Variants in NUP210L observed in about 807,000 individuals in gnomAD.
The protein encoded by NUP210L is nucleoporin 210 like.
A neutral mutation model predicts 208.5 loss-of-function variants in NUP210L; 74 were observed. That is an observed-to-expected ratio of 0.35 (90% CI 0.29 to 0.43). The LOEUF (loss-of-function observed/expected upper bound fraction) is 0.43, where lower values mean the gene tolerates loss of function less well. NUP210L is among the 20% of genes least tolerant of loss of function. The pLI is 1.00. For synonymous variants in NUP210L, 780 were observed against 816.9 expected (o/e 0.95, Z 0.77); for missense variants, 1,843 against 2,289.4 (o/e 0.81, Z 3.98).
At position 154,107,473 on chromosome 1, in the gene NUP210L, CA is replaced by C. The variant is rs60482405; in HGVS notation, c.1621-3264del. On this transcript the variant is annotated intron_variant, in intron 12 of 39. Coordinates refer to ENST00000368559, the Ensembl canonical transcript of NUP210L. ...TGGACAACAGAGTGAGACTCCGTCT[CA>C]AAAAAAAAAAAAAAACTAAAGAATG... Among the ~76,000 whole-genome samples, 950 of 95,304 alleles carry C rather than the reference CA, an allele frequency of 1.0e-2. 3 individuals carry two copies. The highest frequency in any genetic ancestry group is 0.052 in the South Asian group (167 of 3,236). 62.5% of individuals were successfully genotyped at this position (95,304 alleles called of 152,430 possible).
chr1:154,152,882 CA>C lies in NUP210L; in HGVS notation c.204-11del. On this transcript the variant is annotated splice_polypyrimidine_tract_variant and intron_variant, in intron 1 of 39. Coordinates refer to ENST00000368559, the Ensembl canonical transcript of NUP210L. ...ATGATGGGTGGAATGCCTGCCAGAA[CA>C]AAATTCTTAAGAGTGTGAAATAGGT... The C allele has an allele frequency of 6.2e-7, 1 of 1,613,496 alleles. No individual in the cohort carries two copies. The highest frequency in any genetic ancestry group is 8.5e-7 in the Non-Finnish European group (1 of 1,179,560).
chr1:153,994,315 TGAG>T (rs542588179), intron 38 of NUP210L, among the ~76,000 whole-genome samples: 4 of 152,182 alleles, frequency 2.6e-5, no homozygotes, highest in African/African-American at 7.2e-5. Flanking sequence ...GGTAGTAAGT[TGAG>T]GACCTTTTTT....
intron 2 of NUP210L, among the ~76,000 whole-genome samples, chr1:154,147,051 C>T (rs553519808): frequency 6.6e-6 from 1 of 152,164 alleles, no homozygotes; most frequent in Admixed American, 6.5e-5. Context: ...GGCCAATTCC[C>T]CTTCCTTTAA....
At chr1:154,006,832 A>ATG (rs1474877083) in intron 35 of NUP210L, among the ~76,000 whole-genome samples, 91 of 137,362 alleles carry the variant, frequency 6.6e-4, no homozygotes, top group African/African-American at 1.8e-3. Context: ...ATATATATAT[A>ATG]TATATATATG....
At chr1:154,074,645 C>G (rs751188503) in intron 16 of NUP210L, among the ~76,000 whole-genome samples, 1 of 152,014 alleles carries the variant, frequency 6.6e-6, no homozygotes, top group Non-Finnish European at 1.5e-5. Context: ...CCCGCCACTA[C>G]GCCTGGCTAA....
chr1:154,061,560 T>G (rs545303225), intron 18 of NUP210L, 26 bp downstream of exon 18: 2 of 1,283,164 alleles, frequency 1.6e-6, no homozygotes, highest in Admixed American at 4.1e-5. Flanking sequence ...TTAATTTATA[T>G]TTCTTACATT....
At chr1:154,008,571 G>C (rs1023465972) in intron 35 of NUP210L, among the ~76,000 whole-genome samples, 1 of 152,158 alleles carries the variant, frequency 6.6e-6, no homozygotes, top group Non-Finnish European at 1.5e-5. Flanking sequence ...TCTGGGCGTG[G>C]TGACACGCGC....
chr1:154,106,815 G>A (rs6427457), intron 12 of NUP210L, among the ~76,000 whole-genome samples: 39,667 of 152,174 alleles, frequency 0.26, 5,627 homozygotes, highest in Admixed American at 0.37. Flanking sequence ...TTGGGGTGCC[G>A]CCCAACGCAG....
intron 32 of NUP210L, among the ~76,000 whole-genome samples, chr1:154,021,676 T>C (rs1455499498): frequency 1.3e-5 from 2 of 152,046 alleles, no homozygotes; most frequent in East Asian, 3.8e-4. Context: ...TCCTTCAATA[T>C]AGTAATTACC....
At chr1:154,141,942 G>A (rs1041366346) in intron 3 of NUP210L, among the ~76,000 whole-genome samples, 30 of 152,028 alleles carry the variant, frequency 2.0e-4, no homozygotes, top group African/African-American at 4.1e-4. Context: ...CAGGAGGATC[G>A]CTGGAACCCA....
chr1:154,012,907 G>A (rs1414919611), intron 33 of NUP210L, among the ~76,000 whole-genome samples: 2 of 151,144 alleles, frequency 1.3e-5, no homozygotes, highest in Non-Finnish European at 2.9e-5. Context: ...TCAGGAGGCT[G>A]ACGCAGGAGA....
At chr1:154,005,521 C>T (rs975256980) in intron 35 of NUP210L, among the ~76,000 whole-genome samples, 1 of 151,942 alleles carries the variant, frequency 6.6e-6, no homozygotes, top group Admixed American at 6.6e-5. Context: ...AGCCACCGCG[C>T]CCAGTGTTTG....
chr1:154,129,145 G>A, intron 8 of NUP210L, 132 bp downstream of exon 8: 5 of 573,930 alleles, frequency 8.7e-6, no homozygotes, highest in Non-Finnish European at 1.5e-5. Context: ...GATAAAACAT[G>A]TCAAAGTAAG....
chr1:154,123,526 T>C (rs1374378810), intron 10 of NUP210L, among the ~76,000 whole-genome samples: 2 of 152,230 alleles, frequency 1.3e-5, no homozygotes, highest in African/African-American at 4.8e-5. Context: ...CTTTGTCCTA[T>C]ATACTATTTT....
At chr1:154,099,916 C>T (rs914319834) in intron 14 of NUP210L, 82 bp downstream of exon 14, 2 of 1,379,388 alleles carry the variant, frequency 1.4e-6, no homozygotes, top group African/African-American at 1.4e-5. Flanking sequence ...TAGTGGGGAC[C>T]ACAGATAGCT....
chr1:154,039,238 T>C (rs2147958604), intron 27 of NUP210L, among the ~76,000 whole-genome samples: 1 of 150,174 alleles, frequency 6.7e-6, no homozygotes, highest in East Asian at 1.9e-4. Context: ...TGGGAAACTT[T>C]TTTTTTTTTT....
intron 12 of NUP210L, 122 bp from the exon 13 acceptor site, chr1:154,104,332 G>T: frequency 1.4e-6 from 1 of 731,606 alleles, no homozygotes; most frequent in Non-Finnish European, 2.3e-6. Flanking sequence ...ACACCAAATT[G>T]AATGACTATC....
At chr1:154,061,974 C>T (rs913186849) in intron 17 of NUP210L, among the ~76,000 whole-genome samples, 4 of 152,108 alleles carry the variant, frequency 2.6e-5, no homozygotes, top group Non-Finnish European at 4.4e-5. Context: ...ACTGCAGGCG[C>T]GTGCCACGAT....
intron 15 of NUP210L, among the ~76,000 whole-genome samples, chr1:154,091,581 A>C (rs944529370): frequency 1.3e-5 from 2 of 149,198 alleles, no homozygotes; most frequent in Non-Finnish European, 3.0e-5. Flanking sequence ...GCTCACTGCA[A>C]TCTCCACCTC....
Sources: gnomAD v4.1 joint callset for allele counts (sites outside exome capture counted in the v4.1 genomes callset) on GRCh38, gnomAD v4.1.1 for gene constraint, MANE v1.5 for transcripts, NCBI Gene and HGNC (gene_info 2026-07-23, HGNC 2026-07-21) for gene names.